Variants in MUSK observed in about 807,000 individuals in gnomAD.
MUSK encodes the protein muscle, skeletal receptor tyrosine-protein kinase.
MUSK carries 55 observed loss-of-function variants against 88.7 expected under a neutral mutation model. The ratio of observed to expected loss-of-function variants is 0.62; its 90% CI spans 0.50 to 0.78. The LOEUF is 0.78. Among genes scored for constraint, MUSK ranks in the 30% least tolerant of loss-of-function variants. The pLI is 0.00. For synonymous variants in MUSK, 387 were observed against 391.9 expected (o/e 0.99, Z 0.15); for missense variants, 1,015 against 1,074.3 (o/e 0.94, Z 0.77).
chr9:110,760,068 C>A (rs2077376125), intron 7 of MUSK, among the ~76,000 whole-genome samples: 1 of 152,134 alleles, frequency 6.6e-6, no homozygotes, highest in South Asian at 2.1e-4. Context: ...ATAACAGACA[C>A]TGGCGAGGTT....
chr9:110,738,852 T>C (rs1473088433), intron 6 of MUSK, among the ~76,000 whole-genome samples: 1 of 152,172 alleles, frequency 6.6e-6, no homozygotes, highest in African/African-American at 2.4e-5. Context: ...ATTAAGATGA[T>C]ACCAGTGATG....
chr9:110,760,061 A>G (rs934105001), intron 7 of MUSK, among the ~76,000 whole-genome samples: 5 of 152,206 alleles, frequency 3.3e-5, no homozygotes, highest in Non-Finnish European at 7.3e-5. Context: ...TTAAAAAATA[A>G]CAGACACTGG....
chr9:110,695,981 A>G (rs1309668437), intron 4 of MUSK, among the ~76,000 whole-genome samples: 1 of 152,190 alleles, frequency 6.6e-6, no homozygotes, highest in Non-Finnish European at 1.5e-5. Flanking sequence ...AGACTCATAC[A>G]CAAATACCTT....
intron 6 of MUSK, among the ~76,000 whole-genome samples, chr9:110,745,958 G>A (rs1361162782): frequency 2.0e-5 from 3 of 152,214 alleles, no homozygotes; most frequent in African/African-American, 4.8e-5. Context: ...GAAGAAAGCT[G>A]GCCTTACCTC....
intron 13 of MUSK, 74 bp downstream of exon 13, chr9:110,785,792 G>GTA: frequency 9.8e-7 from 1 of 1,022,140 alleles, no homozygotes; most frequent in Non-Finnish European, 1.4e-6. Flanking sequence ...TATTAGCTTG[G>GTA]TATATATATA....
intron 3 of MUSK, among the ~76,000 whole-genome samples, chr9:110,690,120 T>TTTAAG (rs1446670728): frequency 0.014 from 436 of 31,976 alleles, 10 homozygotes; most frequent in African/African-American, 0.061. Context: ...GAAATATATA[T>TTTAAG]TATATAAGTA....
chr9:110,765,351 G>A (rs1050058909), intron 8 of MUSK, among the ~76,000 whole-genome samples: 7 of 152,166 alleles, frequency 4.6e-5, no homozygotes, highest in East Asian at 1.9e-4. Context: ...AGACCATTTC[G>A]TAAACCAGTT....
At chr9:110,765,902 A>C (rs965678141) in intron 8 of MUSK, among the ~76,000 whole-genome samples, 2 of 152,094 alleles carry the variant, frequency 1.3e-5, no homozygotes, top group Non-Finnish European at 2.9e-5. Flanking sequence ...GCTTAGGTTC[A>C]ATGAAGTATG....
rs538306684 is a variant in MUSK at position 110,739,820 on chromosome 9, G to T, written c.753+5445G>T. On this transcript the variant is annotated intron_variant, in intron 6 of 14. Coordinates refer to ENST00000374448, the MANE Select transcript of MUSK (RefSeq NM_005592.4). ...CAGTCCTTTGGGTGGATTGAGAATG[G>T]CTTTCAATATGGCTGAACAACCCAA... is the stretch of plus-strand genomic sequence containing the variant. Among the ~76,000 whole-genome samples the T allele has an allele frequency of 1.3e-4, 20 of 152,258 alleles. 1 individual carries two copies. The South Asian group carries it at 3.7e-3, about 28-fold the overall frequency.
At chr9:110,731,228 A>T (rs925324735) in intron 5 of MUSK, among the ~76,000 whole-genome samples, 2 of 152,108 alleles carry the variant, frequency 1.3e-5, no homozygotes, top group Non-Finnish European at 2.9e-5. Context: ...TTAAAAAGCA[A>T]AGCAAACCTT....
intron 11 of MUSK, among the ~76,000 whole-genome samples, chr9:110,781,349 T>TCAC (rs2077753391): frequency 6.6e-6 from 1 of 152,180 alleles, no homozygotes; most frequent in African/African-American, 2.4e-5. Flanking sequence ...CAATCTTGGT[T>TCAC]CACTGCAAGC....
chr9:110,718,553 T>G (rs1587949185), intron 5 of MUSK, among the ~76,000 whole-genome samples: 1 of 151,976 alleles, frequency 6.6e-6, no homozygotes, highest in African/African-American at 2.4e-5. Flanking sequence ...TTTTTAAAAA[T>G]GGACAAAGCC....
At chr9:110,768,283 A>C (rs1230684517) in intron 9 of MUSK, among the ~76,000 whole-genome samples, 200 bp downstream of exon 9, 1 of 152,202 alleles carries the variant, frequency 6.6e-6, no homozygotes, top group Admixed American at 6.5e-5. Context: ...GGATCACTTG[A>C]GGTCAGGAGT....
chr9:110,677,216 C>CCCCTTTCTT (rs2076043557), intron 1 of MUSK, among the ~76,000 whole-genome samples: 1 of 152,178 alleles, frequency 6.6e-6, no homozygotes, highest in South Asian at 2.1e-4. Flanking sequence ...CACCATGCAG[C>CCCCTTTCTT]CCCTTTCTTC....
At chr9:110,785,089 G>A (rs1159051587) in intron 12 of MUSK, 73 bp downstream of exon 12, 16 of 1,344,800 alleles carry the variant, frequency 1.2e-5, no homozygotes, top group South Asian at 8.6e-5. Flanking sequence ...TTGGTATGAC[G>A]TGAGGAATAT....
At chr9:110,744,375 G>C (rs1416965439) in intron 6 of MUSK, among the ~76,000 whole-genome samples, 2 of 152,154 alleles carry the variant, frequency 1.3e-5, no homozygotes, top group Non-Finnish European at 2.9e-5. Flanking sequence ...CCTAGCTAAG[G>C]TCAAATCATA....
chr9:110,689,364 A>G (rs1179360426), intron 3 of MUSK, among the ~76,000 whole-genome samples: 6 of 118,228 alleles, frequency 5.1e-5, no homozygotes, highest in African/African-American at 2.1e-4. Context: ...ATATAAATAC[A>G]TATTTATATA....
At position 110,738,406 on chromosome 9, in the gene MUSK, C is replaced by T. The variant is rs1447721444; in HGVS notation, c.753+4031C>T. ...TGTCATTTAAAAATATTCAGCAGAGCAAGTTCTTTTGCTACTATCTAAGCC... is the reference window on the plus strand; with the variant it reads ...TGTCATTTAAAAATATTCAGCAGAGTAAGTTCTTTTGCTACTATCTAAGCC... On this transcript the variant is annotated intron_variant, in intron 6 of 14. Coordinates refer to ENST00000374448, the MANE Select transcript of MUSK (RefSeq NM_005592.4). Among the ~76,000 whole-genome samples, 6 of 152,190 alleles carry T rather than the reference C, an allele frequency of 3.9e-5. No individual in the cohort carries two copies. The East Asian group carries it at 7.7e-4, about 20-fold the overall frequency.
At chr9:110,752,887 A>C (rs1460856339) in intron 7 of MUSK, among the ~76,000 whole-genome samples, 1 of 152,194 alleles carries the variant, frequency 6.6e-6, no homozygotes, top group Non-Finnish European at 1.5e-5. Context: ...TTAGTCATCA[A>C]AAGGAGTCAG....
Sources: gnomAD v4.1 joint callset for allele counts (sites outside exome capture counted in the v4.1 genomes callset) on GRCh38, gnomAD v4.1.1 for gene constraint, MANE v1.5 for transcripts, NCBI Gene and HGNC (gene_info 2026-07-23, HGNC 2026-07-21) for gene names.